MSRB3: variants seen among roughly 807,000 people sequenced by gnomAD.
MSRB3 encodes methionine sulfoxide reductase B3.
A neutral mutation model predicts 21.0 loss-of-function variants in MSRB3; 13 were observed. That is an observed-to-expected ratio of 0.62 (90% CI 0.40 to 0.98). The LOEUF (loss-of-function observed/expected upper bound fraction) is 0.98, where lower values mean the gene tolerates loss of function less well. Among genes scored for constraint, MSRB3 ranks in the 50% least tolerant of loss-of-function variants. MSRB3 has a pLI of 0.00. For synonymous variants in MSRB3, 87 were observed against 88.6 expected (o/e 0.98, Z 0.10); for missense variants, 199 against 230.3 (o/e 0.86, Z 0.88).
intron 4 of MSRB3, among the ~76,000 whole-genome samples, chr12:65,332,292 GGTGTGT>G (rs369716664): frequency 6.7e-6 from 1 of 150,140 alleles, no homozygotes; most frequent in Admixed American, 6.6e-5. Context: ...AAACAATTGA[GGTGTGT>G]GTGTGTGTGT....
intron 5 of MSRB3, among the ~76,000 whole-genome samples, chr12:65,404,662 G>C (rs1047708895): frequency 1.3e-5 from 2 of 152,030 alleles, no homozygotes; most frequent in Non-Finnish European, 2.9e-5. Flanking sequence ...AAAAATTTTT[G>C]TTCTATGTGG....
At chr12:65,376,119 T>TTTTTTA (rs35884197) in intron 5 of MSRB3, among the ~76,000 whole-genome samples, 1 of 24,482 alleles carries the variant, frequency 4.1e-5, no homozygotes, top group African/African-American at 9.1e-5. Flanking sequence ...GAGTTTGTAA[T>TTTTTTA]TTTTTTTTTT....
At chr12:65,462,765 C>A (rs1039569959) in intron 6 of MSRB3, among the ~76,000 whole-genome samples, 1 of 152,166 alleles carries the variant, frequency 6.6e-6, no homozygotes, top group African/African-American at 2.4e-5. Context: ...TTCTGCATAT[C>A]TGAAACCCAC....
intron 5 of MSRB3, among the ~76,000 whole-genome samples, chr12:65,448,694 TTTAA>T (rs1428871125): frequency 4.6e-5 from 7 of 152,326 alleles, no homozygotes; most frequent in East Asian, 3.9e-4. Flanking sequence ...TTTATTTAAT[TTTAA>T]TTAATTCAAA....
At chr12:65,380,170 T>C (rs1878861136) in intron 5 of MSRB3, among the ~76,000 whole-genome samples, 1 of 152,060 alleles carries the variant, frequency 6.6e-6, no homozygotes, top group African/African-American at 2.4e-5. Context: ...TGGATAGATA[T>C]AAATAAAGAG....
At chr12:65,326,366 G>T (rs1251299034) in intron 2 of MSRB3, among the ~76,000 whole-genome samples, 1 of 152,080 alleles carries the variant, frequency 6.6e-6, no homozygotes, top group Non-Finnish European at 1.5e-5. Context: ...CATCCACAAT[G>T]GAAATGGAAT....
intron 4 of MSRB3, among the ~76,000 whole-genome samples, chr12:65,343,613 A>T (rs1178909838): frequency 6.6e-6 from 1 of 152,124 alleles, no homozygotes; most frequent in Non-Finnish European, 1.5e-5. Context: ...ACTTTAAAGA[A>T]AATTGTCTCC....
At chr12:65,337,388 C>T (rs1346713385) in intron 4 of MSRB3, among the ~76,000 whole-genome samples, 2 of 126,060 alleles carry the variant, frequency 1.6e-5, no homozygotes, top group Admixed American at 1.8e-4. Context: ...GAGCCGAGAT[C>T]ACACCACCGT....
intron 5 of MSRB3, among the ~76,000 whole-genome samples, chr12:65,378,967 G>A (rs1266498195): frequency 6.6e-6 from 1 of 152,096 alleles, no homozygotes; most frequent in Admixed American, 6.5e-5. Flanking sequence ...ACATATATCA[G>A]CCTAAAGCTA....
chr12:65,360,068 G>T (rs1245620471), intron 4 of MSRB3, among the ~76,000 whole-genome samples: 2 of 151,964 alleles, frequency 1.3e-5, no homozygotes, highest in Admixed American at 6.6e-5. Flanking sequence ...TCTTCCCCTG[G>T]CCTTGTCTCT....
intron 5 of MSRB3, among the ~76,000 whole-genome samples, chr12:65,378,982 T>C (rs939022944): frequency 2.6e-5 from 4 of 152,200 alleles, no homozygotes; most frequent in Non-Finnish European, 5.9e-5. Context: ...AAGCTAGATA[T>C]CTTTGAGAAG....
intron 5 of MSRB3, among the ~76,000 whole-genome samples, chr12:65,373,497 T>C (rs1057354686): frequency 6.6e-6 from 1 of 152,030 alleles, no homozygotes; most frequent in Non-Finnish European, 1.5e-5. Context: ...TCATGGTCCA[T>C]AAACATTCAA....
chr12:65,379,861 C>T (rs1241349117), intron 5 of MSRB3, among the ~76,000 whole-genome samples: 1 of 152,146 alleles, frequency 6.6e-6, no homozygotes, highest in Admixed American at 6.5e-5. Flanking sequence ...TTTACTTTGA[C>T]TCAGTGATCA....
chr12:65,278,836 T>C lies in MSRB3; in HGVS notation c.-81T>C. 1.3e-6 allele frequency: 2 copies of C among 1,566,190 alleles called. No homozygotes were observed. The highest frequency in any genetic ancestry group is 1.7e-6 in the Non-Finnish European group (2 of 1,155,380). On this transcript the variant is annotated 5_prime_UTR_variant, in exon 1 of 7. Transcript: ENST00000308259. ...CTCTCCCTCTGCCTCTGCCTCTGCC[T>C]GGCCGCGGCTCTGGGAAGTGCGCAG...
At chr12:65,428,194 T>C (rs1490076529) in intron 5 of MSRB3, among the ~76,000 whole-genome samples, 2 of 152,238 alleles carry the variant, frequency 1.3e-5, no homozygotes, top group African/African-American at 2.4e-5. Context: ...CTGAGGACCA[T>C]GGTGGTTTTC....
At chr12:65,461,620 A>C (rs1883334259) in intron 6 of MSRB3, among the ~76,000 whole-genome samples, 1 of 152,190 alleles carries the variant, frequency 6.6e-6, no homozygotes, top group African/African-American at 2.4e-5. Flanking sequence ...CATGTTCAAC[A>C]GGGAAACTAA....
At chr12:65,376,465 C>T (rs1235444571) in intron 5 of MSRB3, among the ~76,000 whole-genome samples, 1 of 152,172 alleles carries the variant, frequency 6.6e-6, no homozygotes, top group Non-Finnish European at 1.5e-5. Context: ...CCACATACTC[C>T]ATAAGTCTGG....
intron 5 of MSRB3, among the ~76,000 whole-genome samples, chr12:65,382,731 A>G (rs1232476763): frequency 6.6e-6 from 1 of 151,746 alleles, no homozygotes; most frequent in Non-Finnish European, 1.5e-5. Context: ...ATGTACTAAT[A>G]TATTTATTTT....
chr12:65,452,379 A>C (rs1443177103), intron 5 of MSRB3, among the ~76,000 whole-genome samples: 1 of 152,182 alleles, frequency 6.6e-6, no homozygotes, highest in Non-Finnish European at 1.5e-5. Context: ...ATTAACAAAG[A>C]AGAACCCCTA....
Sources: gnomAD v4.1 joint callset for allele counts (sites outside exome capture counted in the v4.1 genomes callset) on GRCh38, gnomAD v4.1.1 for gene constraint, MANE v1.5 for transcripts, NCBI Gene and HGNC (gene_info 2026-07-23, HGNC 2026-07-21) for gene names.